Variants in SIDT1 observed in about 807,000 individuals in gnomAD.
SIDT1 encodes SID1 transmembrane family, member 1.
A neutral mutation model predicts 107.5 loss-of-function variants in SIDT1; 101 were observed. That is an observed-to-expected ratio of 0.94 (90% CI 0.80 to 1.11). The LOEUF (loss-of-function observed/expected upper bound fraction) is 1.11, where lower values mean the gene tolerates loss of function less well. SIDT1 is among the 50% of genes least tolerant of loss of function. SIDT1 has a pLI of 0.00. For synonymous variants in SIDT1, 395 were observed against 398.2 expected (o/e 0.99, Z 0.10); for missense variants, 1,076 against 1,058.2 (o/e 1.02, Z -0.23).
intron 17 of SIDT1, among the ~76,000 whole-genome samples, chr3:113,610,571 T>C (rs1451946444): frequency 6.6e-6 from 1 of 152,234 alleles, no homozygotes. Context: ...TGTGATTATA[T>C]TTTAGGGTGC....
Position 113,623,692 on chromosome 3 carries a change from G to C in SIDT1, c.2266G>C (p.Ala756Pro), listed in dbSNP as rs757469391. The C allele has an allele frequency of 6.2e-7, 1 of 1,614,038 alleles. No homozygotes were observed. Among genetic ancestry groups the C allele is most frequent in the South Asian group, 1.1e-5 (1 of 91,084 alleles). ...CGTGGCCACCGCTGTGATGTGGGCT[G>C]CCGCCCTATATTTTTTCTTCCAGAA... ...CIVATAVMWA[A>P]ALYFFFQNLS... Residue 756 changes from alanine (A) to proline (P), a missense_variant, in exon 23 of 25, where the codon GCC (alanine) becomes CCC (proline). Transcript: ENST00000264852.
chr3:113,617,178 C>A (rs1946167209), intron 20 of SIDT1, among the ~76,000 whole-genome samples: 1 of 152,144 alleles, frequency 6.6e-6, no homozygotes, highest in South Asian at 2.1e-4. Flanking sequence ...AAAACTGGGA[C>A]CCGTGTTCAC....
intron 10 of SIDT1, among the ~76,000 whole-genome samples, chr3:113,598,478 C>A (rs1315194017): frequency 6.6e-6 from 1 of 152,200 alleles, no homozygotes; most frequent in South Asian, 2.1e-4. Context: ...TATCAGAGGA[C>A]TTCCAGTGAC....
At chr3:113,571,991 T>A (rs1942502251) in intron 3 of SIDT1, among the ~76,000 whole-genome samples, 1 of 152,106 alleles carries the variant, frequency 6.6e-6, no homozygotes, top group African/African-American at 2.4e-5. Context: ...GTGTGGAGAA[T>A]GGATTTGAAG....
intron 21 of SIDT1, 98 bp downstream of exon 21, chr3:113,619,824 A>C (rs967299747): frequency 2.1e-5 from 24 of 1,152,562 alleles, no homozygotes; most frequent in Admixed American, 3.5e-5. Context: ...GAAATCTGAA[A>C]TTAAGGAGAA....
chr3:113,618,673 A>T (rs1946266302), intron 20 of SIDT1, among the ~76,000 whole-genome samples: 1 of 152,232 alleles, frequency 6.6e-6, no homozygotes, highest in African/African-American at 2.4e-5. Flanking sequence ...TGGATCACCT[A>T]AAAGACAAAG....
chr3:113,572,059 T>C (rs535329571), intron 3 of SIDT1, among the ~76,000 whole-genome samples: 5 of 152,152 alleles, frequency 3.3e-5, no homozygotes, highest in African/African-American at 1.2e-4. Context: ...AGATAAATAA[T>C]GAGGAGGTGA....
chr3:113,591,845 G>A (rs1325383536), intron 9 of SIDT1, among the ~76,000 whole-genome samples: 1 of 152,182 alleles, frequency 6.6e-6, no homozygotes, highest in African/African-American at 2.4e-5. Context: ...GTACACAAAT[G>A]TTCATAACAG....
chr3:113,581,627 C>G (rs1317561564), intron 6 of SIDT1, 183 bp downstream of exon 6: 1 of 558,522 alleles, frequency 1.8e-6, no homozygotes, highest in African/African-American at 1.9e-5. Flanking sequence ...AATCCTAGCA[C>G]TTTGGGAGGC....
chr3:113,566,825 T>C (rs945039441), intron 2 of SIDT1, among the ~76,000 whole-genome samples: 1 of 152,174 alleles, frequency 6.6e-6, no homozygotes, highest in Non-Finnish European at 1.5e-5. Flanking sequence ...GGTCAACCAA[T>C]AGCCCTCCAA....
Position 113,559,548 on chromosome 3 carries a change from G to C in SIDT1, c.223-6872G>C, listed in dbSNP as rs554164122. 5.3e-5 allele frequency among the ~76,000 whole-genome samples: 8 copies of C among 151,846 alleles called. 1 individual carries two copies. The highest frequency in any genetic ancestry group is 1.0e-4 in the Non-Finnish European group (7 of 67,966). Reference sequence around the variant, plus strand: ...CCTCTGCATCCTGGGCTCAAACAATGCTCCTGCCTCAGCCTTCTGAGTGGC... The same window carrying C: ...CCTCTGCATCCTGGGCTCAAACAATCCTCCTGCCTCAGCCTTCTGAGTGGC... On this transcript the variant is annotated intron_variant, in intron 1 of 24. Transcript: ENST00000264852.
chr3:113,592,413 A>G (rs1171720034), intron 9 of SIDT1, among the ~76,000 whole-genome samples: 1 of 152,204 alleles, frequency 6.6e-6, no homozygotes, highest in African/African-American at 2.4e-5. Flanking sequence ...TAAATGATGT[A>G]TATGCCTGAG....
intron 1 of SIDT1, among the ~76,000 whole-genome samples, chr3:113,550,417 G>C (rs1940088503): frequency 6.6e-6 from 1 of 152,114 alleles, no homozygotes. Flanking sequence ...CAATTATCAA[G>C]GTTTTTCTAT....
chr3:113,634,736 G>T, the SIDT1 span, among the ~76,000 whole-genome samples: 3 of 152,130 alleles, frequency 2.0e-5, no homozygotes, highest in African/African-American at 7.2e-5. Flanking sequence ...CCCAGGAGGC[G>T]TAGGTTGCAA....
intron 3 of SIDT1, among the ~76,000 whole-genome samples, chr3:113,568,593 CAA>C (rs769569991): frequency 5.5e-5 from 5 of 90,642 alleles, no homozygotes; most frequent in Admixed American, 1.2e-4. Context: ...GACTCTGTCT[CAA>C]AAAAAAAAAA....
At chr3:113,611,226 G>T in intron 18 of SIDT1, 82 bp downstream of exon 18, 1 of 1,511,038 alleles carries the variant, frequency 6.6e-7, no homozygotes, top group Non-Finnish European at 8.9e-7. Context: ...AAGTGAACGG[G>T]TTTGGATTAA....
chr3:113,590,935 A>C lies in SIDT1; in HGVS notation c.1002-2070A>C, dbSNP rs1944101316. ...TATGTCTAATCTCCAGAACCTGTGA[A>C]TATGTTACCTTACCTGGCAAAAGGA... On this transcript the variant is annotated intron_variant, in intron 9 of 24. Transcript: ENST00000264852. Among the ~76,000 whole-genome samples, 2 of 152,242 alleles carry C rather than the reference A, an allele frequency of 1.3e-5. 1 individual carries two copies. Among genetic ancestry groups the C allele is most frequent in the South Asian group, 4.1e-4 (2 of 4,832 alleles).
intron 16 of SIDT1, 61 bp from the exon 17 acceptor site, chr3:113,608,358 T>C: frequency 1.3e-6 from 2 of 1,532,208 alleles, no homozygotes; most frequent in East Asian, 2.3e-5. Context: ...GCTTCCAGAT[T>C]AGTGACTTGG....
chr3:113,598,406 C>A (rs1560099793), intron 10 of SIDT1, among the ~76,000 whole-genome samples: 1 of 152,190 alleles, frequency 6.6e-6, no homozygotes, highest in South Asian at 2.1e-4. Flanking sequence ...CTCCCACGAA[C>A]AATTTCGACC....
Sources: gnomAD v4.1 joint callset for allele counts (sites outside exome capture counted in the v4.1 genomes callset) on GRCh38, gnomAD v4.1.1 for gene constraint, MANE v1.5 for transcripts, NCBI Gene and HGNC (gene_info 2026-07-23, HGNC 2026-07-21) for gene names.